The following CCDC30 variants were observed in gnomAD, a reference collection of about 807,000 sequenced individuals.
CCDC30 encodes coiled-coil domain-containing protein 30.
In CCDC30, 70 loss-of-function variants were observed where a neutral mutation model predicts 100.2. The ratio of observed to expected loss-of-function variants is 0.70; its 90% CI spans 0.58 to 0.85. CCDC30 has a LOEUF of 0.85. Among genes scored for constraint, CCDC30 ranks in the 40% least tolerant of loss-of-function variants. CCDC30 has a pLI of 0.00. For missense variants in CCDC30, 652 were observed against 771.2 expected, an observed-to-expected ratio of 0.85 and a Z score of 1.83; for synonymous variants, 233 against 269.5, an observed-to-expected ratio of 0.86 and a Z score of 1.33.
chr1:42,507,045 G>A (rs1168103359), intron 6 of CCDC30, among the ~76,000 whole-genome samples: 2 of 152,104 alleles, frequency 1.3e-5, no homozygotes. Context: ...TCCTGCCTCA[G>A]CCTCCCAAGT....
At chr1:42,459,536 C>T, upstream of CCDC30, 1 of 1,293,286 alleles carries the variant, frequency 7.7e-7, no homozygotes, top group Non-Finnish European at 1.1e-6. Context: ...TCCTTAGTTT[C>T]CCATGAGATT....
chr1:42,568,437 C>T (rs953283278), intron 7 of CCDC30, among the ~76,000 whole-genome samples: 13 of 152,160 alleles, frequency 8.5e-5, no homozygotes, highest in African/African-American at 3.1e-4. Context: ...CTCTTACGAA[C>T]AGCCTCACAA....
Position 42,500,170 on chromosome 1 carries a change from G to A in CCDC30, c.456+1254G>A. 6.2e-6 allele frequency: 9 copies of A among 1,440,894 alleles called. No individual in the cohort carries two copies. The South Asian group carries it at 6.9e-5, about 11-fold the overall frequency. 89.3% of individuals were successfully genotyped at this position (1,440,894 alleles called of 1,614,324 possible). A position where few individuals can be genotyped will look rare whatever the true frequency, so the allele number is the denominator to read the frequency against. On this transcript the variant is annotated intron_variant, in intron 6 of 16. Transcript: ENST00000668663. ...AGTAAAATAAGAAGGCAATGCTTGTGGAACGTACAGTGCATATTGGCGGTG... is the reference window on the plus strand; with the variant it reads ...AGTAAAATAAGAAGGCAATGCTTGTAGAACGTACAGTGCATATTGGCGGTG...
chr1:42,575,101 C>T (rs1283144520), intron 7 of CCDC30, among the ~76,000 whole-genome samples: 3 of 152,172 alleles, frequency 2.0e-5, no homozygotes, highest in Non-Finnish European at 4.4e-5. Context: ...AGAGAAAGCA[C>T]AGATGAAGGA....
intron 8 of CCDC30, among the ~76,000 whole-genome samples, chr1:42,578,273 G>C (rs774685737): frequency 1.3e-5 from 2 of 152,140 alleles, no homozygotes; most frequent in African/African-American, 2.4e-5. Context: ...GAACAAAAGA[G>C]TTCTTACTAT....
At chr1:42,494,812 T>C (rs200297387) in intron 4 of CCDC30, among the ~76,000 whole-genome samples, 13,294 of 108,414 alleles carry the variant, frequency 0.12, 616 homozygotes, top group East Asian at 0.16. Context: ...TGAGATACCA[T>C]CTCACACCAG....
chr1:42,538,789 C>A (rs1289180855), intron 6 of CCDC30, among the ~76,000 whole-genome samples: 4 of 152,154 alleles, frequency 2.6e-5, no homozygotes, highest in Admixed American at 6.6e-5. Flanking sequence ...AACCACATAG[C>A]ACTTTGTTCT....
chr1:42,642,340 A>T, intron 12 of CCDC30, 133 bp from the exon 17 acceptor site: 1 of 654,666 alleles, frequency 1.5e-6, no homozygotes, highest in Non-Finnish European at 2.4e-6. Context: ...GCAAACAGAT[A>T]GAAACAGACT....
chr1:42,546,402 ATATATATATATATATATATATATATAT>A (rs1645141152), intron 6 of CCDC30, among the ~76,000 whole-genome samples: 3 of 25,772 alleles, frequency 1.2e-4, no homozygotes, highest in African/African-American at 3.1e-4. Flanking sequence ...AAAAAAAAAT[ATATATATATATATATATATATATATAT>A]ATATATATAT....
chr1:42,572,286 A>G (rs1645749099), intron 7 of CCDC30, among the ~76,000 whole-genome samples: 1 of 152,194 alleles, frequency 6.6e-6, no homozygotes. Context: ...GCAGCTTTTT[A>G]TACATTTAAT....
intron 6 of CCDC30, chr1:42,558,062 G>A (rs571765302): frequency 2.2e-5 from 5 of 224,548 alleles, no homozygotes; most frequent in Non-Finnish European, 4.8e-5. Flanking sequence ...AGAGACTCTT[G>A]TTGGCTGCTT....
chr1:42,580,184 TTAAG>T (rs1302951463), intron 8 of CCDC30, among the ~76,000 whole-genome samples: 16 of 152,196 alleles, frequency 1.1e-4, no homozygotes, highest in African/African-American at 3.6e-4. Flanking sequence ...ACTGAATTCC[TTAAG>T]TAAGAATTCT....
chr1:42,608,906 C>A (rs1646562484), intron 10 of CCDC30, among the ~76,000 whole-genome samples: 1 of 151,996 alleles, frequency 6.6e-6, no homozygotes, highest in East Asian at 1.9e-4. Context: ...GACAATCTGG[C>A]AGAAGGATTC....
intron 6 of CCDC30, among the ~76,000 whole-genome samples, chr1:42,521,594 G>A (rs908892028): frequency 1.3e-5 from 2 of 152,074 alleles, no homozygotes; most frequent in African/African-American, 4.8e-5. Context: ...TGTTGTTCAA[G>A]TCCTCTATTT....
Position 42,576,666 on chromosome 1 carries a change from A to G in CCDC30, c.637-354A>G, listed in dbSNP as rs544532948. The stretch of plus-strand genomic sequence containing the variant: ...GCAAAGTTTGGTGTCACAGAATGCT[A>G]CTGAGAAGTCACTTGTCCATTGGAT... On this transcript the variant is annotated intron_variant, in intron 7 of 16. Coordinates refer to ENST00000668663, the Ensembl canonical transcript of CCDC30. Among the ~76,000 whole-genome samples, 6 of 152,350 alleles carry G rather than the reference A, an allele frequency of 3.9e-5. No homozygotes were observed. The South Asian group carries it at 1.2e-3, about 32-fold the overall frequency.
chr1:42,510,357 C>G (rs759223579), intron 6 of CCDC30, among the ~76,000 whole-genome samples: 1 of 152,118 alleles, frequency 6.6e-6, no homozygotes, highest in Non-Finnish European at 1.5e-5. Context: ...AGAGGTTAAA[C>G]ACTTGAGTTA....
chr1:42,524,557 G>A (rs1424034209), intron 6 of CCDC30, among the ~76,000 whole-genome samples: 1 of 152,116 alleles, frequency 6.6e-6, no homozygotes, highest in African/African-American at 2.4e-5. Flanking sequence ...GACTCTGTCT[G>A]TACCTACATG....
chr1:42,507,618 G>C (rs1644415274), intron 6 of CCDC30, among the ~76,000 whole-genome samples: 1 of 152,042 alleles, frequency 6.6e-6, no homozygotes, highest in Non-Finnish European at 1.5e-5. Context: ...TCTATTTTTA[G>C]TAGTCAAAAT....
intron 1 of CCDC30, among the ~76,000 whole-genome samples, chr1:42,479,355 G>A (rs1643922015): frequency 6.6e-6 from 1 of 151,982 alleles, no homozygotes; most frequent in Admixed American, 6.6e-5. Context: ...CAGCCTGGGC[G>A]AAAGAGTGAG....
Sources: allele counts gnomAD v4.1 joint callset (sites outside exome capture counted in the v4.1 genomes callset), GRCh38; gene constraint gnomAD v4.1.1; transcripts MANE v1.5; gene names NCBI Gene and HGNC (gene_info 2026-07-23, HGNC 2026-07-21).